RP1L1: variants seen among roughly 807,000 people sequenced by gnomAD.
RP1L1 encodes RP1 like 1.
A neutral mutation model predicts 15.7 loss-of-function variants in RP1L1; 27 were observed. That is an observed-to-expected ratio of 1.72 (90% confidence interval 1.27 to 2.38). The LOEUF is 2.38. Among genes scored for constraint, RP1L1 ranks in the 30% most tolerant of loss-of-function variants. The pLI, the probability that RP1L1 is intolerant of heterozygous loss-of-function variation, is 0.00. For synonymous variants in RP1L1, 1,813 were observed against 1,276.7 expected (o/e 1.42, Z -8.96); for missense variants, 4,798 against 3,075.9 (o/e 1.56, Z -13.24).
Position 10,623,127 on chromosome 8 carries a change from G to C in RP1L1, c.75C>G (p.Pro25=), listed in dbSNP as rs773932368. 12 of 1,610,392 alleles carry C rather than the reference G, an allele frequency of 7.5e-6. No homozygotes were observed. The highest frequency in any genetic ancestry group is 2.2e-5 in the East Asian group (1 of 44,872). The part of the protein sequence containing the change: ...ECFLPSVART[P]SVTKVTPAKK... ...TGGCTGGCGTGACCTTGGTGACCGA[G>C]GGGGTGCGAGCCACAGAGGGCAGGA... is the stretch of plus-strand genomic sequence containing the variant. Residue 25 remains proline (P), a synonymous_variant, in exon 2 of 4, where the codon CCC becomes CCG. Transcript: ENST00000382483.
intron 3 of RP1L1, among the ~76,000 whole-genome samples, chr8:10,613,598 TCCAAAA>T (rs1449230774): frequency 2.6e-5 from 1 of 38,730 alleles, no homozygotes; most frequent in Non-Finnish European, 6.9e-5. Context: ...ACACCATCTC[TCCAAAA>T]AAAAAAAAAA....
intron 1 of RP1L1, among the ~76,000 whole-genome samples, chr8:10,627,809 G>A (rs780274533): frequency 2.6e-5 from 4 of 152,084 alleles, no homozygotes; most frequent in Non-Finnish European, 5.9e-5. Flanking sequence ...ACTCTCTGGC[G>A]CCCCAGGTTC....
Position 10,607,718 on chromosome 8 carries a change from G to A in RP1L1, c.6380C>T (p.Pro2127Leu), listed in dbSNP as rs375714703. Reference protein sequence around the residue: ...EAPETEGEAQPESEGIEAPEA... With the variant: ...EAPETEGEAQLESEGIEAPEA... Reference sequence around the variant, plus strand: ...TGGGGCCTCTATACCTTCTGACTCTGGCTGGGCCTCCCCTTCAGTCTCTGG... The same window carrying A: ...TGGGGCCTCTATACCTTCTGACTCTAGCTGGGCCTCCCCTTCAGTCTCTGG... The change falls in exon 4 of 4, where the codon CCA (proline) becomes CTA (leucine). Residue 2127 changes from proline (P) to leucine (L), a missense_variant. By Grantham distance (98) the Pro-to-Leu change is moderately conservative. Transcript: ENST00000382483. 46 of 1,606,186 alleles carry A rather than the reference G, an allele frequency of 2.9e-5. No homozygotes were observed. The highest frequency in any genetic ancestry group is 3.6e-5 in the Non-Finnish European group (42 of 1,178,212).
At chr8:10,650,727 A>G (rs1461288087) in intron 1 of RP1L1, among the ~76,000 whole-genome samples, 1 of 151,708 alleles carries the variant, frequency 6.6e-6, no homozygotes, top group Non-Finnish European at 1.5e-5. Context: ...GCAACTGGCT[A>G]ATTTTTTTTT....
chr8:10,643,575 G>A (rs34454813), intron 1 of RP1L1, among the ~76,000 whole-genome samples: 209 of 152,152 alleles, frequency 1.4e-3, no homozygotes, highest in Admixed American at 2.0e-3. Flanking sequence ...TTAAGGTAAT[G>A]TACTGGAAAA....
chr8:10,627,182 C>T (rs1169350033), intron 1 of RP1L1, among the ~76,000 whole-genome samples: 1 of 152,140 alleles, frequency 6.6e-6, no homozygotes, highest in Non-Finnish European at 1.5e-5. Context: ...TACGTGTACA[C>T]CCACGTTCAT....
chr8:10,632,022 C>T (rs1798260560), intron 1 of RP1L1, among the ~76,000 whole-genome samples: 1 of 152,190 alleles, frequency 6.6e-6, no homozygotes. Context: ...CATCGTGCTT[C>T]ACACGGTGGG....
At chr8:10,632,053 A>C (rs972529655) in intron 1 of RP1L1, among the ~76,000 whole-genome samples, 3 of 152,164 alleles carry the variant, frequency 2.0e-5, no homozygotes, top group Admixed American at 6.5e-5. Context: ...GGGAGCCTTC[A>C]GGGGCCACCA....
At chr8:10,653,348 A>G (rs1300522378) in intron 1 of RP1L1, among the ~76,000 whole-genome samples, 3 of 152,190 alleles carry the variant, frequency 2.0e-5, no homozygotes, top group Admixed American at 6.5e-5. Flanking sequence ...ATTTCCACCT[A>G]AGAGACCAAA....
chr8:10,608,872 C>G lies in RP1L1; in HGVS notation c.5226G>C (p.Glu1742Asp), dbSNP rs369388890. The G allele has an allele frequency of 3.7e-6, 6 of 1,614,014 alleles. No individual in the cohort carries two copies. The highest frequency in any genetic ancestry group is 5.1e-6 in the Non-Finnish European group (6 of 1,180,030). Reference sequence around the variant, plus strand: ...TCTGGCTCCCCTCGCCATCCTCACCCTCGTCCACTCCAGGCCCCTGGCTCA... The same window carrying G: ...TCTGGCTCCCCTCGCCATCCTCACCGTCGTCCACTCCAGGCCCCTGGCTCA... ...PGLSQGPGVD[E>D]GEDGEGSQRL... Residue 1742 changes from glutamate to aspartate, a missense_variant, in exon 4 of 4, where the codon GAG becomes GAC. Coordinates refer to ENST00000382483, the MANE Select transcript of RP1L1 (RefSeq NM_178857.6).
intron 1 of RP1L1, among the ~76,000 whole-genome samples, chr8:10,624,743 A>G (rs1798129888): frequency 6.6e-6 from 1 of 152,168 alleles, no homozygotes; most frequent in Non-Finnish European, 1.5e-5. Context: ...GCTGCCGGAC[A>G]TCTGCCATCC....
chr8:10,631,337 A>ACG (rs1798243766), intron 1 of RP1L1, among the ~76,000 whole-genome samples: 1 of 101,356 alleles, frequency 9.9e-6, no homozygotes, highest in Non-Finnish European at 2.1e-5. Context: ...ACACACATGC[A>ACG]CACACACGCA....
rs763468681 is a variant in RP1L1, at chr8:10,609,033, G to A, written c.5065C>T (p.Leu1689=). Reference sequence around the variant, plus strand: ...CTCTTCCTCTGCAGAATCTGCTGCAGGTCAAAGGCCTCTTTGATGGGACCT... The same window carrying A: ...CTCTTCCTCTGCAGAATCTGCTGCAAGTCAAAGGCCTCTTTGATGGGACCT... ...TRGPIKEAFD[L]QQILQRKRGE... Residue 1689 remains leucine, a synonymous_variant, in exon 4 of 4, where the codon CTG becomes TTG. Coordinates refer to ENST00000382483, the MANE Select transcript of RP1L1 (RefSeq NM_178857.6). The A allele has an allele frequency of 1.2e-6, 2 of 1,613,814 alleles. No individual in the cohort carries two copies. Among genetic ancestry groups the A allele is most frequent in the East Asian group, 2.2e-5 (1 of 44,854 alleles).
intron 1 of RP1L1, among the ~76,000 whole-genome samples, chr8:10,639,763 G>A (rs911424185): frequency 1.3e-5 from 2 of 152,080 alleles, no homozygotes; most frequent in South Asian, 2.1e-4. Context: ...TGACCGAACC[G>A]TACATAGACT....
intron 1 of RP1L1, among the ~76,000 whole-genome samples, chr8:10,624,207 A>C (rs568292456): frequency 6.6e-6 from 1 of 152,312 alleles, no homozygotes; most frequent in Non-Finnish European, 1.5e-5. Flanking sequence ...TCTCTCATGT[A>C]GCCAACAAAG....
chr8:10,612,158 G>T lies in RP1L1; in HGVS notation c.1940C>A (p.Ala647Glu), dbSNP rs1347860871. Residue 647 changes from alanine (A) to glutamate (E), a missense_variant, in exon 4 of 4, where the codon GCA becomes GAA. Ala to Glu is a moderately radical substitution (Grantham distance 107, BLOSUM62 -1). Coordinates refer to ENST00000382483, the MANE Select transcript of RP1L1 (RefSeq NM_178857.6). ...GCCAGGGCTGCTGGGTGAGGACATT[G>T]CACTGGCCCGGCTTCTGTGCCTTCT... ...GQRRHRSRAS[A>E]MSSPSSPGLG... 6.2e-7 allele frequency: 1 copy of T among 1,613,486 alleles called. No homozygotes were observed. The highest frequency in any genetic ancestry group is 8.5e-7 in the Non-Finnish European group (1 of 1,180,028).
At chr8:10,646,317 G>A (rs1209820273) in intron 1 of RP1L1, among the ~76,000 whole-genome samples, 5 of 152,198 alleles carry the variant, frequency 3.3e-5, no homozygotes, top group Non-Finnish European at 7.4e-5. Flanking sequence ...GCAGCTCTAG[G>A]GAGGGAGCTG....
intron 1 of RP1L1, among the ~76,000 whole-genome samples, chr8:10,641,105 T>G (rs544634629): frequency 9.5e-4 from 144 of 152,364 alleles, no homozygotes; most frequent in African/African-American, 3.4e-3. Context: ...AATACGTTTT[T>G]CATACATTAC....
At position 10,608,724 on chromosome 8, in the gene RP1L1, G is replaced by A. The variant is rs200997120; in HGVS notation, c.5374C>T (p.Gln1792Ter). The stretch of plus-strand genomic sequence containing the variant: ...CTTTCACTTATGCCCTCTCCCTCCT[G>A]CTCAGCTTCCCCCAACTCACTGCCC... ...SAGSELGEAE[Q>*]EGEGISERGE... Residue 1792 changes from glutamine (Q) to a stop codon, truncating the protein, a stop_gained, in exon 4 of 4, where the codon CAG (glutamine) becomes TAG (stop). Transcript: ENST00000382483. LOFTEE classifies it low-confidence loss of function (END_TRUNC). The A allele has an allele frequency of 4.3e-6, 7 of 1,614,156 alleles. No homozygotes were observed. The highest frequency in any genetic ancestry group is 5.9e-6 in the Non-Finnish European group (7 of 1,180,042).
Sources: allele counts gnomAD v4.1 joint callset (sites outside exome capture counted in the v4.1 genomes callset), GRCh38; gene constraint gnomAD v4.1.1; transcripts MANE v1.5; gene names NCBI Gene and HGNC (gene_info 2026-07-23, HGNC 2026-07-21).